The following RP1L1 variants were observed in gnomAD, a reference collection of about 807,000 sequenced individuals.
RP1L1 encodes retinitis pigmentosa 1-like 1 protein.
In RP1L1, 27 loss-of-function variants were observed where a neutral mutation model predicts 15.7. That is an observed-to-expected ratio of 1.72 (90% CI 1.27 to 2.38). The LOEUF (loss-of-function observed/expected upper bound fraction) is 2.38. RP1L1 is among the 30% of genes most tolerant of loss of function. RP1L1 has a pLI of 0.00. For missense variants in RP1L1, 4,798 were observed against 3,075.9 expected (o/e 1.56, Z -13.24); for synonymous variants, 1,813 against 1,276.7 (o/e 1.42, Z -8.96).
rs1403619895 is a variant in RP1L1, at chr8:10,607,225, C to A, written c.6873G>T (p.Arg2291Ser). 4 of 1,614,018 alleles carry A rather than the reference C, an allele frequency of 2.5e-6. No individual in the cohort carries two copies. The change falls in exon 4 of 4, where the codon AGG (arginine) becomes AGT (serine). Residue 2291 changes from arginine to serine, a missense_variant. Physicochemically the swap from Arg to Ser is moderately radical, Grantham distance 110. Transcript: ENST00000382483. ...PSPGGDTPHQRPGSQTGPSSS... is the reference protein window; with the variant it reads ...PSPGGDTPHQSPGSQTGPSSS... ...AGGAAGGGCCTGTTTGGGAGCCTGG[C>A]CTTTGGTGGGGAGTGTCTCCACCTG...
At chr8:10,632,441 CTT>C (rs977571663) in intron 1 of RP1L1, among the ~76,000 whole-genome samples, 1 of 152,220 alleles carries the variant, frequency 6.6e-6, no homozygotes, top group African/African-American at 2.4e-5. Flanking sequence ...TGCAATCTGA[CTT>C]ATTGATGTAT....
At chr8:10,616,251 G>T (rs1363936788) in intron 3 of RP1L1, among the ~76,000 whole-genome samples, 195 bp downstream of exon 3, 3 of 152,132 alleles carry the variant, frequency 2.0e-5, no homozygotes, top group Non-Finnish European at 4.4e-5. Context: ...TCCTATCTTG[G>T]TCAAATGTTG....
At position 10,650,902 on chromosome 8, in the gene RP1L1, T is replaced by C. The variant is rs1395654591; in HGVS notation, c.-20+3996A>G. Among the ~76,000 whole-genome samples the C allele has an allele frequency of 6.6e-6, 1 of 152,250 alleles. No individual in the cohort carries two copies. Among genetic ancestry groups the C allele is most frequent in the Non-Finnish European group, 1.5e-5 (1 of 68,038 alleles). ...TTCTTTACACTTCGCAAAGTGTTTT[T>C]ATGTAGAACATCTTACTTAATCTTT... On this transcript the variant is annotated intron_variant, in intron 1 of 3. Transcript: ENST00000382483.
chr8:10,618,572 G>T (rs1007756808), intron 2 of RP1L1, among the ~76,000 whole-genome samples: 3 of 151,894 alleles, frequency 2.0e-5, no homozygotes, highest in African/African-American at 7.3e-5. Context: ...TGTGCCTGTA[G>T]TCCCAGCTGC....
At position 10,612,330 on chromosome 8, in the gene RP1L1, G is replaced by A. The variant is rs1229436670; in HGVS notation, c.1768C>T (p.Gln590Ter). 1.2e-6 allele frequency: 2 copies of A among 1,613,224 alleles called. No individual in the cohort carries two copies. The highest frequency in any genetic ancestry group is 1.7e-6 in the Non-Finnish European group (2 of 1,180,030). ...GTGCCCTGTCCTTGCGTCTCTGCCT[G>A]CAGGTCGTCACTCCTTAAAGATGAA... The part of the protein sequence containing the change: ...SLSSLRSDDL[Q>*]AETQGQGTEQ... The change falls in exon 4 of 4, where the codon CAG becomes TAG. Residue 590 changes from glutamine (Q) to a stop codon, truncating the protein, a stop_gained. Transcript: ENST00000382483. LOFTEE classifies it low-confidence loss of function (END_TRUNC).
rs868264716 is a variant in RP1L1, at chr8:10,612,774, T to G, written c.1324A>C (p.Thr442Pro). 1.2e-6 allele frequency: 2 copies of G among 1,609,814 alleles called. No individual in the cohort carries two copies. The highest frequency in any genetic ancestry group is 1.7e-6 in the Non-Finnish European group (2 of 1,179,934). ...TGGCTGCATCTCTCCCTCCCGGCAG[T>G]CCCGTGGCCCCACAGGCCACTGCAG... Reference protein sequence around the residue: ...VRCSGLWGHGTAGRERCSQDS... With the variant: ...VRCSGLWGHGPAGRERCSQDS... Residue 442 changes from threonine (T) to proline (P), a missense_variant, in exon 4 of 4, where the codon ACT becomes CCT. By Grantham distance (38) the Thr-to-Pro change is conservative. Transcript: ENST00000382483.
chr8:10,644,299 A>C (rs573667697), intron 1 of RP1L1, among the ~76,000 whole-genome samples: 1 of 151,798 alleles, frequency 6.6e-6, no homozygotes, highest in South Asian at 2.1e-4. Context: ...AAAAAAAAAA[A>C]ATGGGGAGGC....
At chr8:10,637,858 A>G (rs1189782572) in intron 1 of RP1L1, among the ~76,000 whole-genome samples, 1 of 152,254 alleles carries the variant, frequency 6.6e-6, no homozygotes, top group Non-Finnish European at 1.5e-5. Context: ...GAGATCTGAA[A>G]GGAAACACAA....
intron 1 of RP1L1, among the ~76,000 whole-genome samples, chr8:10,641,933 G>A (rs1798413265): frequency 6.6e-6 from 1 of 152,190 alleles, no homozygotes; most frequent in Non-Finnish European, 1.5e-5. Context: ...GGTTGAGGAG[G>A]AATGAAGCTG....
chr8:10,626,171 G>A (rs1490178000), intron 1 of RP1L1, among the ~76,000 whole-genome samples: 1 of 152,134 alleles, frequency 6.6e-6, no homozygotes, highest in Non-Finnish European at 1.5e-5. Flanking sequence ...AGTGGGCTAG[G>A]CTGGGTAGGG....
At chr8:10,631,686 G>A (rs1798254888) in intron 1 of RP1L1, among the ~76,000 whole-genome samples, 1 of 152,212 alleles carries the variant, frequency 6.6e-6, no homozygotes, top group Non-Finnish European at 1.5e-5. Context: ...GGCTGGAGCT[G>A]GCTCTCAGAC....
chr8:10,637,243 C>G (rs1039563794), intron 1 of RP1L1, among the ~76,000 whole-genome samples: 1 of 152,194 alleles, frequency 6.6e-6, no homozygotes, highest in Non-Finnish European at 1.5e-5. Context: ...CCCCAACCTC[C>G]CAGGCTTGGC....
chr8:10,638,074 T>C (rs1177527356), intron 1 of RP1L1, among the ~76,000 whole-genome samples: 6 of 152,234 alleles, frequency 3.9e-5, no homozygotes, highest in African/African-American at 1.2e-4. Flanking sequence ...AAGCGTGCCC[T>C]CAGTTCATGG....
chr8:10,624,081 T>C (rs770003736), intron 1 of RP1L1, among the ~76,000 whole-genome samples: 3 of 152,174 alleles, frequency 2.0e-5, no homozygotes, highest in Non-Finnish European at 4.4e-5. Context: ...CTTGCAGCCA[T>C]GGGGAAGGAA....
intron 2 of RP1L1, among the ~76,000 whole-genome samples, chr8:10,617,546 C>CTTTTTTTTTTTTT (rs777209714): frequency 1.7e-4 from 11 of 63,388 alleles, no homozygotes; most frequent in Admixed American, 2.6e-4. Context: ...GTTTCTTTTT[C>CTTTTTTTTTTTTT]TTTTTTTTTT....
chr8:10,621,463 T>A (rs903801953), intron 2 of RP1L1: 1 of 303,752 alleles, frequency 3.3e-6, no homozygotes, highest in African/African-American at 2.2e-5. Flanking sequence ...GTAGCTGGGA[T>A]TACAGGTGTG....
intron 3 of RP1L1, among the ~76,000 whole-genome samples, chr8:10,613,686 C>T (rs950474375): frequency 1.3e-5 from 2 of 151,468 alleles, no homozygotes; most frequent in Non-Finnish European, 1.5e-5. Flanking sequence ...CCTAGCTACT[C>T]GGAAGGCTGA....
At chr8:10,645,630 T>C (rs1463068509) in intron 1 of RP1L1, among the ~76,000 whole-genome samples, 3 of 152,080 alleles carry the variant, frequency 2.0e-5, no homozygotes, top group Non-Finnish European at 4.4e-5. Context: ...ATCACTGCCA[T>C]GGGCACGTCC....
rs770960261 is a variant in RP1L1, at chr8:10,607,365, T to A, written c.6733A>T (p.Thr2245Ser). The A allele has an allele frequency of 6.2e-7, 1 of 1,614,100 alleles. No homozygotes were observed. Among genetic ancestry groups the A allele is most frequent in the East Asian group, 2.2e-5 (1 of 44,868 alleles). Residue 2245 changes from threonine (T) to serine (S), a missense_variant, in exon 4 of 4, where the codon ACT becomes TCT. Physicochemically the swap from Thr to Ser is moderately conservative, Grantham distance 58 (BLOSUM62 1). Transcript: ENST00000382483. ...GEAQPESEGE[T>S]QGEKKGSPQV... is the part of the protein sequence containing the mutation. ...GGGCTCCCCTTTTTCTCACCTTGAG[T>A]TTCTCCTTCTGACTCTGGCTGGGCC...
Sources: gnomAD v4.1 joint callset for allele counts (sites outside exome capture counted in the v4.1 genomes callset) on GRCh38, gnomAD v4.1.1 for gene constraint, MANE v1.5 for transcripts, NCBI Gene and HGNC (gene_info 2026-07-23, HGNC 2026-07-21) for gene names.